LHX2: variants seen among roughly 807,000 people sequenced by gnomAD.
LHX2 encodes LIM/homeobox protein Lhx2.
Under a neutral mutation model 33.0 loss-of-function variants are expected in LHX2, and 6 were observed. That is an observed-to-expected ratio of 0.18 (90% CI 0.10 to 0.36). LHX2 has a LOEUF of 0.36. Ranked by LOEUF, LHX2 falls within the 10% of genes least tolerant of loss-of-function variation. The pLI, the probability that LHX2 is intolerant of heterozygous loss-of-function variation, is 1.00. For synonymous variants in LHX2, 292 were observed against 253.1 expected (o/e 1.15, Z -1.46); for missense variants, 442 against 586.2 (o/e 0.75, Z 2.54).
rs1377955558 is a variant in LHX2 at position 124,014,294 on chromosome 9, C to CT, written c.323+131_323+132insT. The CT allele has an allele frequency of 3.2e-6, 2 of 621,066 alleles. No homozygotes were observed. The highest frequency in any genetic ancestry group is 6.0e-6 in the Non-Finnish European group (2 of 332,904). The allele number at this position is 621,066 out of a possible 1,614,324, so 38.5% of individuals were successfully genotyped here. ...TACTCAGGACTCCCCCGCTCCCCCCCCAAGTTCTCCAAGCCACCACAAGTT... is the reference window on the plus strand; with the variant it reads ...TACTCAGGACTCCCCCGCTCCCCCCCTCAAGTTCTCCAAGCCACCACAAGTT... On this transcript the variant is annotated intron_variant, in intron 2 of 4. Coordinates refer to ENST00000373615, the MANE Select transcript of LHX2 (RefSeq NM_004789.4). The surrounding 1 kb of genome is among the most constrained non-coding windows in gnomAD (Gnocchi z 4.8).
Position 124,032,551 on chromosome 9 carries a change from C to A in LHX2, c.1065C>A (p.Asn355Lys), listed in dbSNP as rs1429949286. ...CGGGCCCGGCCTCGGAGCTCTCCAACGCCTCGCTCAGCCCCTCCAGCACGC... is the reference window on the plus strand; with the variant it reads ...CGGGCCCGGCCTCGGAGCTCTCCAAAGCCTCGCTCAGCCCCTCCAGCACGC... ...TPSGPASELSNASLSPSSTPT... is the reference protein window; with the variant it reads ...TPSGPASELSKASLSPSSTPT... Residue 355 changes from asparagine to lysine, a missense_variant, in exon 5 of 5, where the codon AAC (asparagine) becomes AAA (lysine). Around this residue, in one of 5 missense-constraint regions of LHX2, gnomAD observed 109 missense variants for 98.7 expected, o/e 1.10. Transcript: ENST00000373615. The surrounding 1 kb of genome is among the most constrained non-coding windows in gnomAD (Gnocchi z 4.1). 1 of 1,614,018 alleles carries A rather than the reference C, an allele frequency of 6.2e-7. No homozygotes were observed. The highest frequency in any genetic ancestry group is 1.3e-5 in the African/African-American group (1 of 74,924).
chr9:124,032,931 GT>G lies in LHX2; in HGVS notation c.*225del. On this transcript the variant is annotated 3_prime_UTR_variant, in exon 5 of 5. Transcript: ENST00000373615. This position sits in a 1 kb window ranked among gnomAD's most constrained non-coding sequence, Gnocchi z 4.1. ...CCTGCAACACAACATTTGTGTCACTGTACAGTTTTGTGGACTGAGCGAGGAA... is the reference window on the plus strand; with the variant it reads ...CCTGCAACACAACATTTGTGTCACTGACAGTTTTGTGGACTGAGCGAGGAA... The G allele has an allele frequency of 2.2e-6, 1 of 462,352 alleles. No homozygotes were observed. The highest frequency in any genetic ancestry group is 3.8e-6 in the Non-Finnish European group (1 of 266,096). 28.6% of individuals were successfully genotyped at this position (462,352 alleles called of 1,614,324 possible).
At position 124,015,911 on chromosome 9, in the gene LHX2, G is replaced by T. The variant is rs376338927; in HGVS notation, c.727+386G>T. On this transcript the variant is annotated intron_variant, in intron 3 of 4. Coordinates refer to ENST00000373615, the MANE Select transcript of LHX2 (RefSeq NM_004789.4). This position sits in a 1 kb window ranked among gnomAD's most constrained non-coding sequence, Gnocchi z 7.9. ...GAGGGCCGGGAACTGGGGCAGCGAA[G>T]GAACGAGGCAGGGCGGCGAGGGTCC... is the stretch of plus-strand genomic sequence containing the variant. Among the ~76,000 whole-genome samples the T allele has an allele frequency of 1.7e-3, 260 of 152,394 alleles. 1 individual carries two copies. The highest frequency in any genetic ancestry group is 3.4e-3 in the Middle Eastern group (1 of 294).
intron 4 of LHX2, among the ~76,000 whole-genome samples, chr9:124,026,460 CAAA>C (rs112864105): frequency 1.0e-4 from 8 of 78,762 alleles, no homozygotes; most frequent in Non-Finnish European, 1.1e-4. Flanking sequence ...GACTCTGTCT[CAAA>C]AAAAAAAAAA....
At chr9:124,029,445 A>G (rs1828678747) in intron 4 of LHX2, among the ~76,000 whole-genome samples, 1 of 152,178 alleles carries the variant, frequency 6.6e-6, no homozygotes, top group Non-Finnish European at 1.5e-5. Flanking sequence ...AACATGAAGA[A>G]CAAACCCCAC....
At chr9:124,028,752 G>A (rs1828666748) in intron 4 of LHX2, among the ~76,000 whole-genome samples, 1 of 152,186 alleles carries the variant, frequency 6.6e-6, no homozygotes, top group Non-Finnish European at 1.5e-5. Flanking sequence ...CCAGTCTCAG[G>A]TTGCCCTCTG....
chr9:124,019,009 A>G (rs1209274440), intron 3 of LHX2, among the ~76,000 whole-genome samples: 1 of 151,926 alleles, frequency 6.6e-6, no homozygotes, highest in Non-Finnish European at 1.5e-5. Context: ...GCCCAAAGAT[A>G]CCCCGTAGGG....
At chr9:124,021,630 T>C (rs1038348826) in intron 4 of LHX2, among the ~76,000 whole-genome samples, 2 of 152,254 alleles carry the variant, frequency 1.3e-5, no homozygotes, top group Non-Finnish European at 2.9e-5. Flanking sequence ...CAAGTGACAC[T>C]CATTTTACAC....
intron 4 of LHX2, 47 bp downstream of exon 4, chr9:124,021,351 G>A: frequency 6.3e-7 from 1 of 1,578,164 alleles, no homozygotes; most frequent in East Asian, 2.3e-5. Flanking sequence ...CCAGGGACTG[G>A]GGTGGAACCC....
rs144291200 is a variant in LHX2 at position 124,014,131 on chromosome 9, C to G, written c.291C>G (p.Asp97Glu). ...LESELTCFSK[D>E]GSIYCKEDYY... is the part of the protein sequence containing the mutation. ...CGGAGCTCACCTGTTTCAGCAAGGACGGTAGCATCTACTGCAAGGAAGACT... is the reference window on the plus strand; with the variant it reads ...CGGAGCTCACCTGTTTCAGCAAGGAGGGTAGCATCTACTGCAAGGAAGACT... The change falls in exon 2 of 5, where the codon GAC becomes GAG. Residue 97 changes from aspartate (D) to glutamate (E), a missense_variant. Transcript: ENST00000373615. The surrounding 1 kb of genome is among the most constrained non-coding windows in gnomAD (Gnocchi z 4.8). 2 of 1,613,472 alleles carry G rather than the reference C, an allele frequency of 1.2e-6. No individual in the cohort carries two copies. Among genetic ancestry groups the G allele is most frequent in the East Asian group, 4.5e-5 (2 of 44,880 alleles).
At chr9:124,027,279 C>CA (rs957895484) in intron 4 of LHX2, among the ~76,000 whole-genome samples, 17 of 151,766 alleles carry the variant, frequency 1.1e-4, no homozygotes, top group South Asian at 6.2e-4. Context: ...GCAAAACAAA[C>CA]AAAAAAAACC....
chr9:124,014,174 C>G lies in LHX2; in HGVS notation c.323+11C>G, dbSNP rs374242964. Reference sequence around the variant, plus strand: ...GGAAGACTACTACAGGTAGCCCCCCCACCCAACTGCCCCTCAGGACCCCTC... The same window carrying G: ...GGAAGACTACTACAGGTAGCCCCCCGACCCAACTGCCCCTCAGGACCCCTC... On this transcript the variant is annotated intron_variant, in intron 2 of 4. Transcript: ENST00000373615. This position sits in a 1 kb window ranked among gnomAD's most constrained non-coding sequence, Gnocchi z 4.8. 155 of 1,428,924 alleles carry G rather than the reference C, an allele frequency of 1.1e-4. No individual in the cohort carries two copies. The East Asian group carries it at 2.7e-3, about 25-fold the overall frequency. The allele number at this position is 1,428,924 out of a possible 1,614,324, so 88.5% of individuals were successfully genotyped here. A position where few individuals can be genotyped will look rare whatever the true frequency, so the allele number is the denominator to read the frequency against.
intron 4 of LHX2, chr9:124,021,937 C>T (rs543004585): frequency 6.6e-6 from 1 of 152,556 alleles, no homozygotes; most frequent in East Asian, 1.9e-4. Flanking sequence ...GCCCAGAGGA[C>T]ATGGTGGGGT....
At chr9:124,017,201 T>C (rs559305922) in intron 3 of LHX2, among the ~76,000 whole-genome samples, 196 of 152,268 alleles carry the variant, frequency 1.3e-3, no homozygotes, top group African/African-American at 4.5e-3. Flanking sequence ...CCCTCTCTCT[T>C]TTTTTCCTTT....
chr9:124,027,101 C>T (rs1210953387), intron 4 of LHX2, among the ~76,000 whole-genome samples: 1 of 152,158 alleles, frequency 6.6e-6, no homozygotes, highest in Non-Finnish European at 1.5e-5. Context: ...TTCCCAAGAA[C>T]CACAGCAAAG....
At chr9:124,013,796 A>G (rs1294193636) in intron 1 of LHX2, among the ~76,000 whole-genome samples, 165 bp from the exon 2 acceptor site, 1 of 152,252 alleles carries the variant, frequency 6.6e-6, no homozygotes, top group Non-Finnish European at 1.5e-5. Flanking sequence ...AGAAATGGAA[A>G]TGGGCCTTTT....
rs530813615 is a variant in LHX2 at position 124,012,344 on chromosome 9, C to T, written c.-5C>T. On this transcript the variant is annotated 5_prime_UTR_variant, in exon 1 of 5. Transcript: ENST00000373615. The surrounding 1 kb of genome is among the most constrained non-coding windows in gnomAD (Gnocchi z 4.3). ...CGCGCCCCCGGCCCCGCCGGTCCCG[C>T]CGCGATGCTGTTCCACAGTCTGTCG... 2.0e-6 allele frequency: 3 copies of T among 1,500,236 alleles called. No individual in the cohort carries two copies. In the South Asian group the frequency reaches 3.7e-5, roughly 19 times the overall value. The allele number at this position is 1,500,236 out of a possible 1,614,324, so 92.9% of individuals were successfully genotyped here. A position where few individuals can be genotyped will look rare whatever the true frequency, so the allele number is the denominator to read the frequency against.
chr9:124,027,588 G>C (rs1828645289), intron 4 of LHX2, among the ~76,000 whole-genome samples: 1 of 152,118 alleles, frequency 6.6e-6, no homozygotes, highest in Admixed American at 6.5e-5. Flanking sequence ...GGAGGCCGAG[G>C]TGGGCAGATC....
chr9:124,018,622 A>G (rs1859238104), intron 3 of LHX2, among the ~76,000 whole-genome samples: 1 of 151,692 alleles, frequency 6.6e-6, no homozygotes, highest in Admixed American at 6.6e-5. Flanking sequence ...CAGCTCGGCC[A>G]CCGGACCCTC....
Sources: gnomAD v4.1 joint callset for allele counts (sites outside exome capture counted in the v4.1 genomes callset) on GRCh38, gnomAD v4.1.1 for gene constraint, gnomAD v4.1.1 regional missense constraint, Gnocchi (gnomAD v3.1) non-coding constraint, MANE v1.5 for transcripts, NCBI Gene and HGNC (gene_info 2026-07-23, HGNC 2026-07-21) for gene names.